SH3KBP1: variants seen among roughly 807,000 people sequenced by gnomAD.
The protein encoded by SH3KBP1 is SH3 domain-containing kinase-binding protein 1.
SH3KBP1 carries 8 observed loss-of-function variants against 50.1 expected under a neutral mutation model. The observed-to-expected ratio is 0.16, with a 90% CI of 0.09 to 0.29. The LOEUF (loss-of-function observed/expected upper bound fraction) is 0.29. Among genes scored for constraint, SH3KBP1 ranks in the 10% least tolerant of loss-of-function variants. The pLI is 1.00. For missense variants in SH3KBP1, 377 were observed against 535.2 expected, an observed-to-expected ratio of 0.70 and a Z score of 2.92; for synonymous variants, 227 against 218.6, an observed-to-expected ratio of 1.04 and a Z score of -0.34.
intron 13 of SH3KBP1, among the ~76,000 whole-genome samples, chrX:19,551,126 G>C (rs1228492581): frequency 8.9e-6 from 1 of 111,812 alleles, no homozygotes; most frequent in Admixed American, 9.5e-5. Flanking sequence ...ATTTTCTTTA[G>C]TAGAATATGC....
At chrX:19,777,400 C>G (rs2066012232) in intron 2 of SH3KBP1, among the ~76,000 whole-genome samples, 1 of 111,073 alleles carries the variant, frequency 9.0e-6, no homozygotes, top group Non-Finnish European at 1.9e-5. Context: ...CTTGGGCCAG[C>G]TGAAACACAA....
intron 1 of SH3KBP1, among the ~76,000 whole-genome samples, chrX:19,838,087 AACAACAACAAC>A (rs903805722): frequency 1.8e-5 from 2 of 108,610 alleles, no homozygotes; most frequent in African/African-American, 3.6e-5. Context: ...CAACAACAAC[AACAACAACAAC>A]AAACCAACTT....
chrX:19,590,519 C>T (rs1421817751), intron 11 of SH3KBP1, among the ~76,000 whole-genome samples: 2 of 111,550 alleles, frequency 1.8e-5, no homozygotes, highest in Non-Finnish European at 3.8e-5. Context: ...ACATGTAAGC[C>T]TAGTCCATAT....
At chrX:19,757,727 T>C (rs747260166) in intron 2 of SH3KBP1, among the ~76,000 whole-genome samples, 5 of 110,960 alleles carry the variant, frequency 4.5e-5, no homozygotes, top group Admixed American at 2.9e-4. Flanking sequence ...ATAGCACCTG[T>C]CTCCCGGGCG....
chrX:19,777,107 T>C (rs985588037), intron 2 of SH3KBP1, among the ~76,000 whole-genome samples: 2 of 111,230 alleles, frequency 1.8e-5, no homozygotes, highest in African/African-American at 6.6e-5. Context: ...TTTAAGCCTT[T>C]GAGGATAAAA....
chrX:19,610,875 C>CA (rs200114966), intron 8 of SH3KBP1, among the ~76,000 whole-genome samples: 9 of 110,292 alleles, frequency 8.2e-5, no homozygotes, highest in Admixed American at 4.8e-4. Context: ...AAAAGGCATT[C>CA]AAAAAAAAAC....
intron 2 of SH3KBP1, among the ~76,000 whole-genome samples, chrX:19,815,205 C>T (rs1161221636): frequency 9.0e-6 from 1 of 111,556 alleles, no homozygotes; most frequent in Non-Finnish European, 1.9e-5. Flanking sequence ...GACTCACAAT[C>T]AGAGATAAAG....
chrX:19,656,657 G>A (rs1351572719), intron 6 of SH3KBP1, among the ~76,000 whole-genome samples: 2 of 111,813 alleles, frequency 1.8e-5, no homozygotes, highest in African/African-American at 3.3e-5. Context: ...GTGGCTCAAG[G>A]AGGCATCGTG....
At chrX:19,759,461 C>CA in intron 2 of SH3KBP1, among the ~76,000 whole-genome samples, 2 of 111,996 alleles carry the variant, frequency 1.8e-5, no homozygotes, top group Middle Eastern at 4.6e-3. Flanking sequence ...TTTTAACGAA[C>CA]AAAAAAGCAC....
At chrX:19,802,935 G>A (rs1041988481) in intron 2 of SH3KBP1, among the ~76,000 whole-genome samples, 3 of 111,463 alleles carry the variant, frequency 2.7e-5, no homozygotes, top group African/African-American at 9.8e-5. Context: ...CTCCCACAGG[G>A]CACTGTGTCA....
chrX:19,798,941 C>A (rs2066806975), intron 2 of SH3KBP1, among the ~76,000 whole-genome samples: 1 of 112,115 alleles, frequency 8.9e-6, no homozygotes, highest in Non-Finnish European at 1.9e-5. Context: ...AAAAGTAAGA[C>A]TTGGAGAGAT....
rs938646527 is a variant in SH3KBP1 at position 19,739,480 on chromosome X, T to C, written c.286+6838A>G. Among the ~76,000 whole-genome samples, 3 of 111,237 alleles carry C rather than the reference T, an allele frequency of 2.7e-5. No individual in the cohort carries two copies. The Admixed American group carries it at 2.9e-4, about 11-fold the overall frequency. On this transcript the variant is annotated intron_variant, in intron 3 of 17. Transcript: ENST00000397821. ...GTACTTGGAGCTATTAGGCAGGAGA[T>C]TTTGGCATACATACCTACAGGGATT...
At chrX:19,800,706 T>C (rs1021762606) in intron 2 of SH3KBP1, among the ~76,000 whole-genome samples, 1 of 112,090 alleles carries the variant, frequency 8.9e-6, no homozygotes, top group Non-Finnish European at 1.9e-5. Context: ...GAGATCTGAA[T>C]TGATACTTTT....
chrX:19,773,729 G>A (rs1280653069), intron 2 of SH3KBP1, among the ~76,000 whole-genome samples: 1 of 107,466 alleles, frequency 9.3e-6, no homozygotes, highest in Non-Finnish European at 1.9e-5. Flanking sequence ...GATGGTGGGC[G>A]CCTGTAGTCC....
chrX:19,688,660 C>CA (rs2063220941), intron 5 of SH3KBP1, among the ~76,000 whole-genome samples: 2 of 107,345 alleles, frequency 1.9e-5, no homozygotes, highest in Non-Finnish European at 3.9e-5. Context: ...CGCACACACA[C>CA]AAATGCCCTA....
At chrX:19,832,524 G>A (rs1362497086) in intron 2 of SH3KBP1, among the ~76,000 whole-genome samples, 11 of 111,565 alleles carry the variant, frequency 9.9e-5, no homozygotes, top group Non-Finnish European at 1.9e-5. Flanking sequence ...CCCCAGACCT[G>A]AAGGAATGAG....
intron 2 of SH3KBP1, among the ~76,000 whole-genome samples, chrX:19,820,319 C>A (rs1424648000): frequency 8.9e-5 from 10 of 111,928 alleles, no homozygotes; most frequent in Non-Finnish European, 1.9e-5. Context: ...AAGTTGCCAA[C>A]TATAACTGTG....
At chrX:19,556,749 G>T (rs1213337690) in intron 13 of SH3KBP1, among the ~76,000 whole-genome samples, 1 of 110,880 alleles carries the variant, frequency 9.0e-6, no homozygotes, top group Non-Finnish European at 1.9e-5. Flanking sequence ...CATAGCTCAT[G>T]GTATTATAGC....
chrX:19,813,151 A>G (rs1210141040), intron 2 of SH3KBP1, among the ~76,000 whole-genome samples: 1 of 95,401 alleles, frequency 1.0e-5, no homozygotes, highest in East Asian at 2.9e-4. Context: ...TCCAAAAACA[A>G]ACAAAAAAAA....
Sources: gnomAD v4.1 joint callset for allele counts (sites outside exome capture counted in the v4.1 genomes callset) on GRCh38, gnomAD v4.1.1 for gene constraint, MANE v1.5 for transcripts, NCBI Gene and HGNC (gene_info 2026-07-23, HGNC 2026-07-21) for gene names.